The following ARB2A variants were observed in gnomAD, a reference collection of about 807,000 sequenced individuals.
ARB2A encodes the protein cotranscriptional regulator ARB2A.
chr5:93,670,375 TCTC>T, the ARB2A span, among the ~76,000 whole-genome samples: 3 of 152,180 alleles, frequency 2.0e-5, no homozygotes, highest in Non-Finnish European at 4.4e-5. Flanking sequence ...TCTGCCTAGA[TCTC>T]CTTGTTCTAC....
the ARB2A span, among the ~76,000 whole-genome samples, chr5:94,091,085 GAGAA>G: frequency 1.2e-4 from 18 of 152,152 alleles, no homozygotes; most frequent in Non-Finnish European, 2.1e-4. Context: ...AAGAGAGAAA[GAGAA>G]AGGAAGTGGA....
the ARB2A span, among the ~76,000 whole-genome samples, chr5:93,765,133 G>C: frequency 6.6e-6 from 1 of 152,142 alleles, no homozygotes; most frequent in African/African-American, 2.4e-5. Flanking sequence ...CAAAACTGGC[G>C]TAAGACAGGG....
the ARB2A span, among the ~76,000 whole-genome samples, chr5:93,761,621 C>A: frequency 1.3e-5 from 2 of 152,220 alleles, no homozygotes; most frequent in African/African-American, 4.8e-5. Flanking sequence ...GTAGACTCCA[C>A]CTCTGGGGGC....
the ARB2A span, among the ~76,000 whole-genome samples, chr5:93,743,888 G>A: frequency 1.3e-5 from 2 of 151,936 alleles, no homozygotes; most frequent in African/African-American, 4.8e-5. Flanking sequence ...GGATGGTCTC[G>A]ATCTCCTGAC....
the ARB2A span, among the ~76,000 whole-genome samples, chr5:93,690,243 C>G: frequency 1.3e-5 from 2 of 152,122 alleles, no homozygotes; most frequent in African/African-American, 4.8e-5. Flanking sequence ...AGCCAGGGAG[C>G]CAAGTGGTCT....
the ARB2A span, among the ~76,000 whole-genome samples, chr5:94,043,752 A>T: frequency 1.3e-5 from 2 of 152,208 alleles, no homozygotes; most frequent in Non-Finnish European, 2.9e-5. Flanking sequence ...ACTCATAGGT[A>T]TTTGAGGGTA....
chr5:94,041,838 A>G, the ARB2A span, among the ~76,000 whole-genome samples: 1 of 152,202 alleles, frequency 6.6e-6, no homozygotes, highest in Admixed American at 6.5e-5. Flanking sequence ...GCTATGACGG[A>G]AAGAGTCAGC....
At chr5:93,777,328 C>T in the ARB2A span, among the ~76,000 whole-genome samples, 13 of 152,112 alleles carry the variant, frequency 8.5e-5, no homozygotes, top group Non-Finnish European at 1.6e-4. Flanking sequence ...AAAAAATCAC[C>T]ATCTGGTGAG....
At chr5:94,084,916 T>G in the ARB2A span, among the ~76,000 whole-genome samples, 1 of 152,164 alleles carries the variant, frequency 6.6e-6, no homozygotes, top group African/African-American at 2.4e-5. Context: ...TTTAAACCTC[T>G]TAGGGAAAAA....
the ARB2A span, among the ~76,000 whole-genome samples, chr5:93,864,366 A>C: frequency 6.6e-6 from 1 of 152,180 alleles, no homozygotes; most frequent in African/African-American, 2.4e-5. Flanking sequence ...TGGTTGTGAC[A>C]GGTTTTAAAT....
chr5:93,880,848 G>C, the ARB2A span, among the ~76,000 whole-genome samples: 4 of 151,674 alleles, frequency 2.6e-5, no homozygotes, highest in African/African-American at 9.7e-5. Context: ...GAAAAGGACA[G>C]AGTTCCCTCA....
the ARB2A span, among the ~76,000 whole-genome samples, chr5:94,098,042 C>T: frequency 6.6e-6 from 1 of 152,216 alleles, no homozygotes; most frequent in Admixed American, 6.5e-5. Flanking sequence ...GGACACAACC[C>T]TTCAGGGTTA....
chr5:93,952,155 A>C, the ARB2A span, among the ~76,000 whole-genome samples: 2 of 152,212 alleles, frequency 1.3e-5, no homozygotes, highest in African/African-American at 4.8e-5. Context: ...ATAGTATCCA[A>C]AGCAATCTAC....
At chr5:93,805,334 ATTTC>A in the ARB2A span, 4 of 985,026 alleles carry the variant, frequency 4.1e-6, no homozygotes, top group African/African-American at 7.0e-5. Context: ...AAAGCAAAGG[ATTTC>A]ACTGAACAAG....
the ARB2A span, chr5:93,805,151 C>G: frequency 1.0e-6 from 1 of 984,236 alleles, no homozygotes; most frequent in East Asian, 1.1e-4. Flanking sequence ...ATGGTAACTT[C>G]TAGAAATCAC....
the ARB2A span, chr5:93,735,969 T>G: frequency 1.3e-5 from 2 of 152,096 alleles, no homozygotes; most frequent in Non-Finnish European, 2.9e-5. Flanking sequence ...TCTCCAAACA[T>G]TCTCTTAAAT....
At chr5:93,704,886 G>A in the ARB2A span, among the ~76,000 whole-genome samples, 1 of 152,260 alleles carries the variant, frequency 6.6e-6, no homozygotes, top group Non-Finnish European at 1.5e-5. Context: ...CTACCAATTC[G>A]ACACAGAATT....
chr5:93,983,153 GT>G, the ARB2A span, among the ~76,000 whole-genome samples: 1 of 147,936 alleles, frequency 6.8e-6, no homozygotes, highest in Non-Finnish European at 1.5e-5. Context: ...TCATTATGTT[GT>G]TTATGGCTGT....
chr5:93,744,726 G>C, the ARB2A span, among the ~76,000 whole-genome samples: 1 of 152,206 alleles, frequency 6.6e-6, no homozygotes, highest in Non-Finnish European at 1.5e-5. Flanking sequence ...AGAGATCAGA[G>C]GAAGGCAGTT....
Sources: gnomAD v4.1 joint callset for allele counts (sites outside exome capture counted in the v4.1 genomes callset) on GRCh38, gnomAD v4.1.1 for gene constraint, MANE v1.5 for transcripts, NCBI Gene and HGNC (gene_info 2026-07-23, HGNC 2026-07-21) for gene names.